The following KLRD1 variants were observed in gnomAD, a reference collection of about 807,000 sequenced individuals.
The protein encoded by KLRD1 is killer cell lectin like receptor D1.
KLRD1 carries 21 observed loss-of-function variants against 22.6 expected under a neutral mutation model. The observed-to-expected ratio is 0.93, with a 90% CI of 0.66 to 1.34. The LOEUF is 1.34. Ranked by LOEUF, KLRD1 falls within the 40% of genes most tolerant of loss-of-function variation. The pLI is 0.00. For synonymous variants in KLRD1, 59 were observed against 71.1 expected (o/e 0.83, Z 0.85); for missense variants, 183 against 208.6 (o/e 0.88, Z 0.76).
At chr12:10,301,239 A>G (rs1268725325), upstream of KLRD1, among the ~76,000 whole-genome samples, 1 of 152,188 alleles carries the variant, frequency 6.6e-6, no homozygotes, top group Non-Finnish European at 1.5e-5. Flanking sequence ...GCCTTGTCAG[A>G]AGACTTTTTT....
intron 1 of KLRD1, among the ~76,000 whole-genome samples, chr12:10,263,115 A>T (rs1469275848): frequency 6.6e-6 from 1 of 151,916 alleles, no homozygotes; most frequent in Non-Finnish European, 1.5e-5. Context: ...GCTTTTTCCT[A>T]CTCAGATTGT....
At chr12:10,242,074 T>TTTTTG (rs1447579269) in intron 1 of KLRD1, among the ~76,000 whole-genome samples, 1 of 148,180 alleles carries the variant, frequency 6.7e-6, no homozygotes, top group Non-Finnish European at 1.5e-5. Context: ...TCTTGCTGTT[T>TTTTTG]TTTTTTTTTT....
chr12:10,298,168 G>A (rs1186334266), intron 1 of KLRD1, among the ~76,000 whole-genome samples: 1 of 152,148 alleles, frequency 6.6e-6, no homozygotes, highest in Non-Finnish European at 1.5e-5. Flanking sequence ...CACACAACAT[G>A]CCAAGAGTCA....
intron 1 of KLRD1, among the ~76,000 whole-genome samples, chr12:10,275,070 A>G (rs1329921998): frequency 6.6e-6 from 1 of 151,772 alleles, no homozygotes; most frequent in Non-Finnish European, 1.5e-5. Flanking sequence ...TTGTATTTTT[A>G]GTAGAGATGG....
chr12:10,288,956 G>A (rs753515580), intron 1 of KLRD1, among the ~76,000 whole-genome samples: 1 of 152,234 alleles, frequency 6.6e-6, no homozygotes, highest in Non-Finnish European at 1.5e-5. Flanking sequence ...TCCTGTTTGA[G>A]TATTTATGTG....
intron 1 of KLRD1, among the ~76,000 whole-genome samples, chr12:10,291,741 G>A (rs1949772520): frequency 6.6e-6 from 1 of 151,622 alleles, no homozygotes; most frequent in African/African-American, 2.4e-5. Context: ...CATCGTCTAG[G>A]TTTTAAGCCC....
At chr12:10,281,903 C>A (rs1707638130) in intron 1 of KLRD1, among the ~76,000 whole-genome samples, 8 of 152,136 alleles carry the variant, frequency 5.3e-5, no homozygotes, top group Admixed American at 5.2e-4. Flanking sequence ...CATAAACTTA[C>A]ACGGCAGTAT....
Position 10,314,969 on chromosome 12 carries a change from C to A in KLRD1, c.*176C>A. The A allele has an allele frequency of 2.1e-6, 1 of 479,544 alleles. No homozygotes were observed. Among genetic ancestry groups the A allele is most frequent in the Non-Finnish European group, 3.6e-6 (1 of 281,664 alleles). The allele number at this position is 479,544 out of a possible 1,614,324, so 29.7% of individuals were successfully genotyped here. A position where few individuals can be genotyped will look rare whatever the true frequency, so the allele number is the denominator to read the frequency against. The stretch of plus-strand genomic sequence containing the variant: ...AATGTGTTTTAAAATTGATGAAATT[C>A]GTTCACCTACATTTGAGAATTATAA... On this transcript the variant is annotated 3_prime_UTR_variant, in exon 6 of 6. Coordinates refer to ENST00000336164, the MANE Select transcript of KLRD1 (RefSeq NM_002262.5).
At chr12:10,276,952 A>T (rs1949597567) in intron 1 of KLRD1, among the ~76,000 whole-genome samples, 1 of 152,172 alleles carries the variant, frequency 6.6e-6, no homozygotes, top group Non-Finnish European at 1.5e-5. Flanking sequence ...GAAAATAAGA[A>T]ATAAGTGGAA....
chr12:10,311,232 A>C (rs1950061077), intron 3 of KLRD1, among the ~76,000 whole-genome samples: 1 of 152,220 alleles, frequency 6.6e-6, no homozygotes, highest in African/African-American at 2.4e-5. Context: ...TCGTTAATAA[A>C]TTATTGAAAA....
At chr12:10,275,936 T>A (rs1949588257) in intron 1 of KLRD1, among the ~76,000 whole-genome samples, 1 of 152,218 alleles carries the variant, frequency 6.6e-6, no homozygotes, top group African/African-American at 2.4e-5. Flanking sequence ...ATTACAATGC[T>A]TCCTCCTAGA....
intron 1 of KLRD1, among the ~76,000 whole-genome samples, chr12:10,280,549 T>C (rs1447326848): frequency 1.3e-5 from 2 of 152,104 alleles, no homozygotes; most frequent in African/African-American, 4.8e-5. Context: ...TCGTTGAGTA[T>C]CAGAAGATGC....
At chr12:10,305,400 T>C (rs747258961), upstream of KLRD1, among the ~76,000 whole-genome samples, 4 of 152,204 alleles carry the variant, frequency 2.6e-5, no homozygotes, top group Non-Finnish European at 5.9e-5. Flanking sequence ...GAAACTTTAT[T>C]TGGAATTGTG....
intron 1 of KLRD1, among the ~76,000 whole-genome samples, chr12:10,259,263 A>C (rs7974717): frequency 0.8 from 121,925 of 152,154 alleles, 53,444 homozygotes; most frequent in Non-Finnish European, 0.98. Context: ...CTAGTGATTG[A>C]CAATTACTCC....
chr12:10,301,879 G>A (rs575153174), upstream of KLRD1, among the ~76,000 whole-genome samples: 1 of 152,232 alleles, frequency 6.6e-6, no homozygotes, highest in African/African-American at 2.4e-5. Context: ...GGCCATTGTA[G>A]GGTTATTAAC....
intron 1 of KLRD1, among the ~76,000 whole-genome samples, chr12:10,279,098 A>T (rs111442875): frequency 0.035 from 5,301 of 151,836 alleles, 311 homozygotes; most frequent in African/African-American, 0.12. Context: ...TACCCAGGCA[A>T]TAAGCATACT....
intron 1 of KLRD1, among the ~76,000 whole-genome samples, chr12:10,265,780 G>A (rs909566875): frequency 6.6e-6 from 1 of 152,106 alleles, no homozygotes; most frequent in African/African-American, 2.4e-5. Context: ...AGATTCTTAG[G>A]CCTAGGCCAT....
In KLRD1 at chr12:10,268,287, G is replaced by A. The variant is rs117259644; in HGVS notation, c.-100-39691G>A. On this transcript the variant is annotated intron_variant, in intron 1 of 5. Coordinates refer to the KLRD1 transcript ENST00000544747. Reference sequence around the variant, plus strand: ...CCTAGCGTCACCTCACTAGACATTCGGTCAACAGATGCAGGGTAAGTTAAC... The same window carrying A: ...CCTAGCGTCACCTCACTAGACATTCAGTCAACAGATGCAGGGTAAGTTAAC... Among the ~76,000 whole-genome samples the A allele has an allele frequency of 8.5e-5, 13 of 152,266 alleles. No homozygotes were observed. The East Asian group carries it at 2.1e-3, about 25-fold the overall frequency.
At chr12:10,305,274 T>C (rs1206157954), upstream of KLRD1, among the ~76,000 whole-genome samples, 1 of 152,174 alleles carries the variant, frequency 6.6e-6, no homozygotes, top group East Asian at 1.9e-4. Flanking sequence ...AAGAGAGACG[T>C]TCTTTTGGCA....
Sources: allele counts gnomAD v4.1 joint callset (sites outside exome capture counted in the v4.1 genomes callset), GRCh38; gene constraint gnomAD v4.1.1; transcripts MANE v1.5; gene names NCBI Gene and HGNC (gene_info 2026-07-23, HGNC 2026-07-21).